DMD: variants seen among roughly 807,000 people sequenced by gnomAD.
DMD encodes mutant dystrophin.
In DMD, 63 loss-of-function variants were observed where a neutral mutation model predicts 330.1. The observed-to-expected ratio is 0.19, with a 90% CI of 0.16 to 0.24. The LOEUF (loss-of-function observed/expected upper bound fraction) is 0.24, where lower values mean the gene tolerates loss of function less well. Among genes scored for constraint, DMD ranks in the 10% least tolerant of loss-of-function variants. The pLI, the probability that DMD is intolerant of heterozygous loss-of-function variation, is 1.00. For synonymous variants in DMD, 1,223 were observed against 959.8 expected (o/e 1.27, Z -5.07); for missense variants, 3,344 against 2,684.1 (o/e 1.25, Z -5.43).
At chrX:33,179,019 G>A (rs972526566) in intron 1 of DMD, among the ~76,000 whole-genome samples, 2 of 111,867 alleles carry the variant, frequency 1.8e-5, no homozygotes, top group Non-Finnish European at 3.8e-5. Flanking sequence ...CACTGACTAT[G>A]ATTAAATTTT....
chrX:31,851,183 T>G (rs961978055), intron 48 of DMD, among the ~76,000 whole-genome samples: 3 of 111,310 alleles, frequency 2.7e-5, no homozygotes, highest in African/African-American at 9.8e-5. Flanking sequence ...TCTCTTTCAC[T>G]ATAACTGCAT....
At chrX:31,192,987 C>T (rs1018167164) in intron 67 of DMD, among the ~76,000 whole-genome samples, 1 of 111,609 alleles carries the variant, frequency 9.0e-6, no homozygotes, top group Admixed American at 9.5e-5. Context: ...GTGAATACCC[C>T]ACAACACTGA....
chrX:33,152,348 A>G (rs1025830265), intron 1 of DMD, among the ~76,000 whole-genome samples: 1 of 107,324 alleles, frequency 9.3e-6, no homozygotes, highest in Non-Finnish European at 1.9e-5. Context: ...TTTTTTTTGT[A>G]TTTTTAGTAG....
intron 67 of DMD, among the ~76,000 whole-genome samples, chrX:31,202,010 T>C (rs1012580950): frequency 1.8e-5 from 2 of 110,439 alleles, no homozygotes; most frequent in African/African-American, 6.6e-5. Flanking sequence ...CTGGCCAACA[T>C]GGTGAAACCC....
intron 54 of DMD, among the ~76,000 whole-genome samples, chrX:31,655,996 G>A (rs1002177239): frequency 4.5e-5 from 5 of 112,010 alleles, no homozygotes; most frequent in Admixed American, 1.9e-4. Context: ...CATTAACATC[G>A]AAAGAAAGCA....
Position 32,857,016 on chromosome X carries a change from A to G in DMD, c.94-7196T>C, listed in dbSNP as rs752620931. On this transcript the variant is annotated intron_variant, in intron 2 of 78. Coordinates refer to ENST00000357033, the MANE Select transcript of DMD (RefSeq NM_004006.3). ...CGTGAACCCGGGAGGCGGAGCTTGC[A>G]ATGAGCCCAGATAGCATCACTGCAC... Among the ~76,000 whole-genome samples, 229 of 109,428 alleles carry G rather than the reference A, an allele frequency of 2.1e-3. 2 individuals carry two copies. The highest frequency in any genetic ancestry group is 7.4e-3 in the African/African-American group (220 of 29,868).
At chrX:33,108,563 GC>G (rs1343691213) in intron 1 of DMD, among the ~76,000 whole-genome samples, 2 of 108,452 alleles carry the variant, frequency 1.8e-5, no homozygotes, top group Non-Finnish European at 3.8e-5. Context: ...ACCGTGCTGG[GC>G]CCAGAATAAC....
chrX:31,964,846 G>A (rs1233887231), intron 45 of DMD, among the ~76,000 whole-genome samples: 2 of 111,128 alleles, frequency 1.8e-5, no homozygotes, highest in African/African-American at 6.5e-5. Context: ...TTTCATTAAG[G>A]TAACACTTAA....
rs145138890 is a variant in DMD at position 32,330,364 on chromosome X, T to A, written c.5922+11736A>T. Among the ~76,000 whole-genome samples the A allele has an allele frequency of 3.2e-3, 362 of 112,220 alleles. 13 individuals carry two copies. In the East Asian group the frequency reaches 0.087, roughly 27 times the overall value. ...AAACAATATACACTTGAATAGATTT[T>A]ATTCATCTGTTCTCAGAATATGTTC... On this transcript the variant is annotated intron_variant, in intron 41 of 78. Coordinates refer to ENST00000357033, the MANE Select transcript of DMD (RefSeq NM_004006.3).
intron 44 of DMD, among the ~76,000 whole-genome samples, chrX:32,180,647 TA>T (rs956989321): frequency 1.8e-5 from 2 of 111,229 alleles, no homozygotes; most frequent in African/African-American, 3.3e-5. Flanking sequence ...CTGGGTAATT[TA>T]TAAAAGAAAG....
intron 53 of DMD, among the ~76,000 whole-genome samples, chrX:31,665,222 A>AT (rs1410821174): frequency 1.1e-4 from 12 of 112,156 alleles, no homozygotes; most frequent in African/African-American, 3.9e-4. Flanking sequence ...GCTTTGAAGA[A>AT]TATAAAACAA....
chrX:32,077,220 T>G (rs80179545), intron 44 of DMD, among the ~76,000 whole-genome samples: 11,563 of 110,407 alleles, frequency 0.1, 581 homozygotes, highest in East Asian at 0.31. Flanking sequence ...TTAATCTAAG[T>G]GCTGGTTAAA....
At chrX:32,758,056 A>C (rs555647812) in intron 7 of DMD, among the ~76,000 whole-genome samples, 1 of 112,166 alleles carries the variant, frequency 8.9e-6, no homozygotes, top group African/African-American at 3.2e-5. Flanking sequence ...GTTGAGGTAC[A>C]GTTACCTATT....
At chrX:31,295,820 A>G (rs2054141942) in intron 62 of DMD, among the ~76,000 whole-genome samples, 1 of 112,368 alleles carries the variant, frequency 8.9e-6, no homozygotes, top group African/African-American at 3.2e-5. Context: ...CAGCCAAAGA[A>G]GAGGCAGCTC....
chrX:32,640,188 C>T (rs1014298896), intron 11 of DMD, among the ~76,000 whole-genome samples: 12 of 108,930 alleles, frequency 1.1e-4, no homozygotes, highest in African/African-American at 4.0e-4. Flanking sequence ...AGTTAACTGA[C>T]AGCTCATCAT....
At chrX:32,081,724 C>G (rs190865506) in intron 44 of DMD, among the ~76,000 whole-genome samples, 210 of 110,880 alleles carry the variant, frequency 1.9e-3, no homozygotes, top group Admixed American at 3.5e-3. Context: ...CGTGGTAGTA[C>G]TTGCCTGTAA....
intron 75 of DMD, 131 bp from the exon 76 acceptor site, chrX:31,146,545 G>T: frequency 1.6e-6 from 1 of 634,117 alleles, no homozygotes; most frequent in Non-Finnish European, 2.5e-6. Flanking sequence ...CCCAAAGATT[G>T]TTTAATTTGG....
intron 13 of DMD, among the ~76,000 whole-genome samples, chrX:32,594,261 C>G (rs1053031021): frequency 3.6e-5 from 4 of 111,700 alleles, no homozygotes; most frequent in Non-Finnish European, 7.5e-5. Context: ...TTTCCCCCAT[C>G]TGTACCTCTT....
intron 11 of DMD, among the ~76,000 whole-genome samples, chrX:32,641,057 T>A (rs1176939291): frequency 3.6e-5 from 4 of 111,314 alleles, no homozygotes; most frequent in African/African-American, 1.3e-4. Context: ...TCCTAATCCG[T>A]GAACCACACT....
Sources: gnomAD v4.1 joint callset for allele counts (sites outside exome capture counted in the v4.1 genomes callset) on GRCh38, gnomAD v4.1.1 for gene constraint, MANE v1.5 for transcripts, NCBI Gene and HGNC (gene_info 2026-07-23, HGNC 2026-07-21) for gene names.